ENTREP2: variants seen among roughly 807,000 people sequenced by gnomAD.
ENTREP2 encodes the protein protein ENTREP2.
At chr15:29,611,207 C>G in the ENTREP2 span, 1 of 152,132 alleles carries the variant, frequency 6.6e-6, no homozygotes. Context: ...TCCCTAGCCC[C>G]GGACTCTGAG....
At chr15:29,649,057 TACACAC>T in the ENTREP2 span, among the ~76,000 whole-genome samples, 734 of 144,966 alleles carry the variant, frequency 5.1e-3, 10 homozygotes, top group African/African-American at 0.017. Flanking sequence ...GGGACACATG[TACACAC>T]ACACACACAC....
At chr15:29,261,396 T>G in the ENTREP2 span, among the ~76,000 whole-genome samples, 1 of 152,002 alleles carries the variant, frequency 6.6e-6, no homozygotes, top group Non-Finnish European at 1.5e-5. Flanking sequence ...TTTTAAAAAT[T>G]AGCCAGGCAT....
the ENTREP2 span, among the ~76,000 whole-genome samples, chr15:29,550,331 A>AG: frequency 2.0e-5 from 3 of 152,238 alleles, no homozygotes. Context: ...ATCACCAATG[A>AG]GCAAGTCCTA....
At chr15:29,644,525 G>C in the ENTREP2 span, among the ~76,000 whole-genome samples, 1 of 152,124 alleles carries the variant, frequency 6.6e-6, no homozygotes, top group Admixed American at 6.5e-5. Flanking sequence ...AGTCCTGGCC[G>C]GGCGCGGTGG....
chr15:29,653,585 T>C, the ENTREP2 span, among the ~76,000 whole-genome samples: 1 of 152,234 alleles, frequency 6.6e-6, no homozygotes, highest in Non-Finnish European at 1.5e-5. Context: ...TAGTTCCTCC[T>C]GCATTCCTTC....
chr15:29,445,950 G>A, the ENTREP2 span, among the ~76,000 whole-genome samples: 1 of 152,204 alleles, frequency 6.6e-6, no homozygotes. Flanking sequence ...ATTGCTTGCT[G>A]TATGGGAAAA....
the ENTREP2 span, among the ~76,000 whole-genome samples, chr15:29,189,510 C>CA: frequency 2.0e-4 from 30 of 151,632 alleles, no homozygotes; most frequent in African/African-American, 7.0e-4. Context: ...CTTTTATCTC[C>CA]TTGTCCATTG....
chr15:29,252,387 G>T, the ENTREP2 span: 3 of 1,550,340 alleles, frequency 1.9e-6, no homozygotes, highest in Non-Finnish European at 1.7e-6. Flanking sequence ...GCCTTCTAGG[G>T]AGTTGACTAG....
chr15:29,589,769 G>C, the ENTREP2 span, among the ~76,000 whole-genome samples: 1 of 152,220 alleles, frequency 6.6e-6, no homozygotes, highest in Non-Finnish European at 1.5e-5. Flanking sequence ...AGGAAAAACA[G>C]TAGGCTTGGA....
At chr15:29,160,888 G>T in the ENTREP2 span, among the ~76,000 whole-genome samples, 263 of 152,174 alleles carry the variant, frequency 1.7e-3, 2 homozygotes, top group Non-Finnish European at 2.8e-3. Flanking sequence ...AAGATATAAT[G>T]ATAGAAGGTA....
the ENTREP2 span, among the ~76,000 whole-genome samples, chr15:29,572,742 C>T: frequency 2.0e-5 from 3 of 152,036 alleles, no homozygotes; most frequent in Non-Finnish European, 1.5e-5. Flanking sequence ...GAGTTGCAAG[C>T]CCCCTGTACT....
the ENTREP2 span, among the ~76,000 whole-genome samples, chr15:29,392,301 G>A: frequency 2.0e-5 from 3 of 152,148 alleles, no homozygotes; most frequent in Admixed American, 6.5e-5. Flanking sequence ...ACCTTATTCT[G>A]AGAAGGGATC....
chr15:29,471,517 C>T, the ENTREP2 span, among the ~76,000 whole-genome samples: 6 of 152,110 alleles, frequency 3.9e-5, no homozygotes, highest in Admixed American at 1.3e-4. Flanking sequence ...GGCAGAACAG[C>T]GGCTACAAAG....
chr15:29,407,655 A>C, the ENTREP2 span, among the ~76,000 whole-genome samples: 2 of 151,486 alleles, frequency 1.3e-5, no homozygotes, highest in Non-Finnish European at 1.5e-5. Context: ...AGCAAACCAG[A>C]GTGGTTTGCT....
the ENTREP2 span, among the ~76,000 whole-genome samples, chr15:29,600,439 CCATCATCATCATCAT>C: frequency 7.1e-6 from 1 of 141,700 alleles, no homozygotes; most frequent in Non-Finnish European, 1.5e-5. Flanking sequence ...TTCTCTCCCA[CCATCATCATCATCAT>C]CATCATCATC....
the ENTREP2 span, among the ~76,000 whole-genome samples, chr15:29,529,679 T>C: frequency 6.6e-6 from 1 of 151,922 alleles, no homozygotes; most frequent in Non-Finnish European, 1.5e-5. Flanking sequence ...ATATACAGAA[T>C]AAAAGGGCAC....
the ENTREP2 span, among the ~76,000 whole-genome samples, chr15:29,239,925 T>G: frequency 6.6e-6 from 1 of 152,174 alleles, no homozygotes; most frequent in African/African-American, 2.4e-5. Flanking sequence ...AAGAATGACT[T>G]TTCCCCAAAA....
the ENTREP2 span, among the ~76,000 whole-genome samples, chr15:29,355,407 C>T: frequency 2.2e-4 from 33 of 151,434 alleles, no homozygotes; most frequent in Non-Finnish European, 7.4e-5. Context: ...TTTAAAGGTC[C>T]CATTGGCTTT....
At chr15:29,625,310 T>A in the ENTREP2 span, among the ~76,000 whole-genome samples, 1 of 152,198 alleles carries the variant, frequency 6.6e-6, no homozygotes, top group Non-Finnish European at 1.5e-5. Flanking sequence ...TTGGTTATTA[T>A]GAATAAAATC....
Sources: allele counts gnomAD v4.1 joint callset (sites outside exome capture counted in the v4.1 genomes callset), GRCh38; gene constraint gnomAD v4.1.1; transcripts MANE v1.5; gene names NCBI Gene and HGNC (gene_info 2026-07-23, HGNC 2026-07-21).